SMARCA2: variants seen among roughly 807,000 people sequenced by gnomAD.
The protein encoded by SMARCA2 is SWI/SNF-related matrix-associated actin-dependent regulator of chromatin subfamily A member 2.
In SMARCA2, 61 loss-of-function variants were observed where a neutral mutation model predicts 199.8. That is an observed-to-expected ratio of 0.31 (90% CI 0.25 to 0.38). The LOEUF (loss-of-function observed/expected upper bound fraction) is 0.38. Among genes scored for constraint, SMARCA2 ranks in the 10% least tolerant of loss-of-function variants. SMARCA2 has a pLI of 1.00. For missense variants in SMARCA2, 1,344 were observed against 2,012.2 expected (o/e 0.67, Z 6.35); for synonymous variants, 935 against 732.0 (o/e 1.28, Z -4.48).
intron 33 of SMARCA2, 113 bp downstream of exon 33, chr9:2,191,521 G>C (rs934904426): frequency 3.4e-6 from 4 of 1,164,230 alleles, no homozygotes; most frequent in Non-Finnish European, 5.0e-6. Context: ...GACTGGAAAT[G>C]TCAGGATTTA....
intron 9 of SMARCA2, among the ~76,000 whole-genome samples, chr9:2,061,979 A>G (rs950291538): frequency 6.6e-6 from 1 of 152,166 alleles, no homozygotes. Context: ...GTGTTTAGAC[A>G]TTTTGTTGGT....
chr9:2,188,607 A>G (rs1827656929), intron 32 of SMARCA2, among the ~76,000 whole-genome samples: 1 of 152,096 alleles, frequency 6.6e-6, no homozygotes, highest in African/African-American at 2.4e-5. Context: ...CCATCCATCA[A>G]TTTAGTTTAA....
At position 2,017,783 on chromosome 9, in the gene SMARCA2, TGTTCCGC is replaced by T. The variant is rs949940742; in HGVS notation, c.-37+2382_-37+2388del. On this transcript the variant is annotated intron_variant, in intron 1 of 33. Coordinates refer to ENST00000349721, the MANE Select transcript of SMARCA2 (RefSeq NM_003070.5). This position sits in a 1 kb window ranked among gnomAD's most constrained non-coding sequence, Gnocchi z 8.8. ...GCTCCGCGAACCCCGCGCCCCTTTT[TGTTCCGC>T]GTCCTCCAGGTAAGGAGCCTGCGCA... 1 of 152,390 alleles carries T rather than the reference TGTTCCGC, an allele frequency of 6.6e-6. No homozygotes were observed. The highest frequency in any genetic ancestry group is 1.5e-5 in the Non-Finnish European group (1 of 68,188). The allele number at this position is 152,390 out of a possible 1,614,324, so 9.4% of individuals were successfully genotyped here.
intron 19 of SMARCA2, among the ~76,000 whole-genome samples, chr9:2,093,312 C>A (rs1049966035): frequency 6.6e-6 from 1 of 152,186 alleles, no homozygotes. Flanking sequence ...GATGTTAGAA[C>A]AATCATATAT....
chr9:2,159,414 T>A (rs1037509287), intron 27 of SMARCA2: 4 of 202,986 alleles, frequency 2.0e-5, no homozygotes, highest in Non-Finnish European at 4.0e-5. Context: ...GTCTTCTGTT[T>A]TAAAAATCAT....
At chr9:2,040,223 C>G in intron 4 of SMARCA2, 1 of 537,724 alleles carries the variant, frequency 1.9e-6, no homozygotes, top group East Asian at 3.0e-5. Context: ...TTAAGAACCT[C>G]TGGACTTAGT....
At chr9:2,130,343 C>A (rs1341033590) in intron 27 of SMARCA2, among the ~76,000 whole-genome samples, 2 of 152,188 alleles carry the variant, frequency 1.3e-5, no homozygotes, top group African/African-American at 2.4e-5. Context: ...AATCCCGGTC[C>A]TCGGCCTTGT....
intron 3 of SMARCA2, among the ~76,000 whole-genome samples, chr9:2,035,348 C>T (rs1275131312): frequency 1.3e-5 from 2 of 152,086 alleles, no homozygotes; most frequent in East Asian, 3.9e-4. Context: ...TGGCCTTAAA[C>T]CTTTATTTTT....
chr9:2,147,858 A>G (rs900725952), intron 27 of SMARCA2, among the ~76,000 whole-genome samples: 1 of 151,192 alleles, frequency 6.6e-6, no homozygotes, highest in Admixed American at 6.6e-5. Flanking sequence ...AAAAAAAAAA[A>G]GTAGGGCCTC....
intron 29 of SMARCA2, among the ~76,000 whole-genome samples, chr9:2,180,612 T>A (rs1188954583): frequency 6.6e-6 from 1 of 152,220 alleles, no homozygotes; most frequent in African/African-American, 2.4e-5. Flanking sequence ...GTGAGACTTT[T>A]GTGAAAAATG....
intron 27 of SMARCA2, among the ~76,000 whole-genome samples, chr9:2,137,583 G>A (rs1245553837): frequency 6.6e-6 from 1 of 152,160 alleles, no homozygotes; most frequent in African/African-American, 2.4e-5. Flanking sequence ...AGCTGAAATA[G>A]ATAGCCCCTG....
chr9:2,110,522 G>C lies in SMARCA2; in HGVS notation c.3456+105G>C. 1.1e-6 allele frequency: 1 copy of C among 878,354 alleles called. No individual in the cohort carries two copies. The highest frequency in any genetic ancestry group is 1.7e-5 in the African/African-American group (1 of 58,380). 54.4% of individuals were successfully genotyped at this position (878,354 alleles called of 1,614,324 possible). A position where few individuals can be genotyped will look rare whatever the true frequency, so the allele number is the denominator to read the frequency against. ...CAGGACAGAGCAAATATCTAAACGAGTGGGCTGTTGCTTTCTTGGAGCCAA... is the reference window on the plus strand; with the variant it reads ...CAGGACAGAGCAAATATCTAAACGACTGGGCTGTTGCTTTCTTGGAGCCAA... On this transcript the variant is annotated intron_variant, in intron 24 of 33. Transcript: ENST00000349721. This position sits in a 1 kb window ranked among gnomAD's most constrained non-coding sequence, Gnocchi z 4.8.
intron 28 of SMARCA2, among the ~76,000 whole-genome samples, chr9:2,164,886 C>G (rs758069865): frequency 6.6e-6 from 1 of 152,096 alleles, no homozygotes; most frequent in African/African-American, 2.4e-5. Context: ...TACTAAATTT[C>G]CCACCACTGA....
At chr9:2,101,492 T>A (rs1223133461) in intron 21 of SMARCA2, 78 bp from the exon 22 acceptor site, 57 of 730,560 alleles carry the variant, frequency 7.8e-5, no homozygotes, top group Middle Eastern at 3.8e-4. Flanking sequence ...ATAGGTAGGA[T>A]AACCTCACTA....
At chr9:2,145,406 G>C (rs1324025910) in intron 27 of SMARCA2, among the ~76,000 whole-genome samples, 1 of 151,948 alleles carries the variant, frequency 6.6e-6, no homozygotes, top group Non-Finnish European at 1.5e-5. Flanking sequence ...AAATAAAAGA[G>C]TTTAGACAAG....
rs188423936 is a variant in SMARCA2 at position 2,159,575 on chromosome 9, A to G, written c.3982-2111A>G. On this transcript the variant is annotated intron_variant, in intron 27 of 33. Coordinates refer to ENST00000349721, the MANE Select transcript of SMARCA2 (RefSeq NM_003070.5). ...GTTAAAATGCGAGCAAGACTCAGAAACCATCTGAGCTAAAATCTCTAATTC... is the reference window on the plus strand; with the variant it reads ...GTTAAAATGCGAGCAAGACTCAGAAGCCATCTGAGCTAAAATCTCTAATTC... The G allele has an allele frequency of 2.5e-5, 10 of 402,396 alleles. No individual in the cohort carries two copies. In the Admixed American group the frequency reaches 3.5e-4, roughly 14 times the overall value. The allele number at this position is 402,396 out of a possible 1,614,324, so 24.9% of individuals were successfully genotyped here. A position where few individuals can be genotyped will look rare whatever the true frequency, so the allele number is the denominator to read the frequency against.
chr9:2,138,999 G>C, intron 27 of SMARCA2, among the ~76,000 whole-genome samples: 1 of 152,188 alleles, frequency 6.6e-6, no homozygotes, highest in East Asian at 1.9e-4. Flanking sequence ...TTAGTAACTG[G>C]TCAAATGTGT....
chr9:2,184,858 C>A (rs928419691), intron 31 of SMARCA2, among the ~76,000 whole-genome samples: 1 of 151,988 alleles, frequency 6.6e-6, no homozygotes, highest in African/African-American at 2.4e-5. Flanking sequence ...TCCTCTCTCT[C>A]TCTCGCGCGG....
intron 27 of SMARCA2, among the ~76,000 whole-genome samples, chr9:2,138,861 G>A (rs1029843948): frequency 1.3e-5 from 2 of 152,124 alleles, no homozygotes; most frequent in East Asian, 1.9e-4. Context: ...CTCCATCTCC[G>A]AGAACTCAGC....
Sources: allele counts gnomAD v4.1 joint callset (sites outside exome capture counted in the v4.1 genomes callset), GRCh38; gene constraint gnomAD v4.1.1; non-coding constraint Gnocchi (gnomAD v3.1); transcripts MANE v1.5; gene names NCBI Gene and HGNC (gene_info 2026-07-23, HGNC 2026-07-21).